Variants in BRD10 observed in about 807,000 individuals in gnomAD.
BRD10 encodes the protein uncharacterized bromodomain-containing protein 10.
chr9:5,914,396 T>A, the BRD10 span, among the ~76,000 whole-genome samples: 1 of 149,192 alleles, frequency 6.7e-6, no homozygotes, highest in Admixed American at 6.8e-5. Context: ...GATGGTGTTT[T>A]ACAAATCCAG....
the BRD10 span, among the ~76,000 whole-genome samples, chr9:5,993,147 C>G: frequency 2.0e-5 from 3 of 151,884 alleles, no homozygotes; most frequent in African/African-American, 4.8e-5. Context: ...GAAACCCCAT[C>G]TCTACTAATA....
At chr9:5,925,358 C>CT in the BRD10 span, among the ~76,000 whole-genome samples, 1 of 116,160 alleles carries the variant, frequency 8.6e-6, no homozygotes, top group African/African-American at 3.2e-5. Context: ...GACTCCATCT[C>CT]AAAAAAAAAA....
the BRD10 span, among the ~76,000 whole-genome samples, chr9:5,911,610 C>T: frequency 6.6e-6 from 1 of 151,444 alleles, no homozygotes; most frequent in Non-Finnish European, 1.5e-5. Flanking sequence ...TCTCAGCTCA[C>T]TGCAACCTCC....
the BRD10 span, among the ~76,000 whole-genome samples, chr9:5,928,048 C>T: frequency 6.6e-6 from 1 of 152,138 alleles, no homozygotes; most frequent in Non-Finnish European, 1.5e-5. Flanking sequence ...ATCCCCTCTA[C>T]CTCTCAAATT....
At chr9:5,911,487 T>G in the BRD10 span, among the ~76,000 whole-genome samples, 2 of 151,444 alleles carry the variant, frequency 1.3e-5, no homozygotes, top group Admixed American at 6.6e-5. Flanking sequence ...TCACATAATG[T>G]GATCCTTCCA....
the BRD10 span, among the ~76,000 whole-genome samples, chr9:6,004,780 C>A: frequency 6.6e-6 from 1 of 152,188 alleles, no homozygotes; most frequent in Non-Finnish European, 1.5e-5. Context: ...CATCTATATA[C>A]CTTAGTTGCA....
the BRD10 span, among the ~76,000 whole-genome samples, chr9:5,987,893 C>T: frequency 6.6e-6 from 1 of 152,142 alleles, no homozygotes; most frequent in East Asian, 1.9e-4. Context: ...ATTAATTGAG[C>T]ACACTTTTTC....
chr9:5,913,939 G>A, the BRD10 span: 1 of 432,502 alleles, frequency 2.3e-6, no homozygotes. Flanking sequence ...GACGCCTACA[G>A]GAAGATGGCC....
the BRD10 span, chr9:5,968,005 TTG>T: frequency 4.2e-6 from 6 of 1,424,188 alleles, no homozygotes; most frequent in African/African-American, 1.5e-5. Context: ...TCCCATCCAT[TTG>T]TGTTAGCTTA....
chr9:5,963,836 A>G, the BRD10 span, among the ~76,000 whole-genome samples: 1 of 151,994 alleles, frequency 6.6e-6, no homozygotes, highest in African/African-American at 2.4e-5. Flanking sequence ...TGGTGCTGGG[A>G]AAACTGGCTA....
the BRD10 span, among the ~76,000 whole-genome samples, chr9:5,953,033 A>G: frequency 2.0e-5 from 3 of 152,178 alleles, no homozygotes; most frequent in Non-Finnish European, 4.4e-5. Flanking sequence ...GTTGATTTAA[A>G]AATGTTAAAT....
At chr9:5,958,651 G>C in the BRD10 span, among the ~76,000 whole-genome samples, 1 of 150,978 alleles carries the variant, frequency 6.6e-6, no homozygotes, top group Admixed American at 6.6e-5. Flanking sequence ...AAAAAGAACA[G>C]AAAAAAAAAG....
chr9:5,986,828 C>T, the BRD10 span, among the ~76,000 whole-genome samples: 1 of 152,150 alleles, frequency 6.6e-6, no homozygotes, highest in Non-Finnish European at 1.5e-5. Context: ...TAGTTTCCTG[C>T]TATGCATTCC....
the BRD10 span, chr9:5,908,489 A>C: frequency 1.0e-5 from 7 of 702,604 alleles, no homozygotes; most frequent in Non-Finnish European, 1.5e-5. Context: ...GAAATTTAAC[A>C]ATTACTTCAC....
chr9:5,931,587 T>C, the BRD10 span, among the ~76,000 whole-genome samples: 6 of 152,338 alleles, frequency 3.9e-5, no homozygotes, highest in African/African-American at 1.2e-4. Context: ...TAACATTATA[T>C]GTTTTGTGGC....
chr9:5,905,527 T>TATA, the BRD10 span, among the ~76,000 whole-genome samples: 18 of 152,292 alleles, frequency 1.2e-4, no homozygotes, highest in South Asian at 3.7e-3. Context: ...ATTAACCCCA[T>TATA]ATAATGTGGT....
the BRD10 span, among the ~76,000 whole-genome samples, chr9:5,953,427 C>T: frequency 6.6e-6 from 1 of 152,198 alleles, no homozygotes; most frequent in Admixed American, 6.5e-5. Context: ...TTCACTTAAT[C>T]ATATGGCAGT....
the BRD10 span, among the ~76,000 whole-genome samples, chr9:5,978,672 T>A: frequency 6.6e-6 from 1 of 152,056 alleles, no homozygotes; most frequent in Non-Finnish European, 1.5e-5. Flanking sequence ...AGAGCCAAAC[T>A]TAGATGACAA....
the BRD10 span, among the ~76,000 whole-genome samples, chr9:5,943,587 T>C: frequency 1.9e-4 from 28 of 151,212 alleles, no homozygotes; most frequent in Non-Finnish European, 3.8e-4. Context: ...TAAATGACAT[T>C]TACATAACAT....
Sources: gnomAD v4.1 joint callset for allele counts (sites outside exome capture counted in the v4.1 genomes callset) on GRCh38, gnomAD v4.1.1 for gene constraint, MANE v1.5 for transcripts, NCBI Gene and HGNC (gene_info 2026-07-23, HGNC 2026-07-21) for gene names.